ERMN: variants seen among roughly 807,000 people sequenced by gnomAD.
The protein encoded by ERMN is ermin, ERM-like protein.
In ERMN, 17 loss-of-function variants were observed where a neutral mutation model predicts 21.4. That is an observed-to-expected ratio of 0.80 (90% confidence interval 0.54 to 1.19). The LOEUF is 1.19. Ranked by LOEUF, ERMN falls within the 50% of genes most tolerant of loss-of-function variation. The pLI, the probability that ERMN is intolerant of heterozygous loss-of-function variation, is 0.00. For synonymous variants in ERMN, 115 were observed against 111.9 expected, an observed-to-expected ratio of 1.03 and a Z score of -0.17; for missense variants, 348 against 331.6, an observed-to-expected ratio of 1.05 and a Z score of -0.38.
At chr2:157,322,676 T>C (rs1683942525) in intron 2 of ERMN, among the ~76,000 whole-genome samples, 2 of 152,232 alleles carry the variant, frequency 1.3e-5, no homozygotes, top group Admixed American at 1.3e-4. Context: ...ATCCAAGGTG[T>C]TCAGTTCTCT....
Position 157,319,114 on chromosome 2 carries a change from A to G in ERMN, c.*2157T>C, listed in dbSNP as rs1683800399. ...GTGGCTTTCAACTCTGTGGCTTTCA[A>G]CTCTGTGGCTTTCGTGTAAGATGGC... is the stretch of plus-strand genomic sequence containing the variant. On this transcript the variant is annotated 3_prime_UTR_variant, in exon 3 of 3. Coordinates refer to ENST00000410096, the MANE Select transcript of ERMN (RefSeq NM_020711.3). 1 of 152,074 alleles carries G rather than the reference A, an allele frequency of 6.6e-6. No individual in the cohort carries two copies. Among genetic ancestry groups the G allele is most frequent in the Non-Finnish European group, 1.5e-5 (1 of 68,024 alleles). The allele number at this position is 152,074 out of a possible 1,614,324, so 9.4% of individuals were successfully genotyped here.
chr2:157,326,689 G>C (rs1684075897), upstream of ERMN, among the ~76,000 whole-genome samples: 1 of 152,094 alleles, frequency 6.6e-6, no homozygotes, highest in African/African-American at 2.4e-5. Flanking sequence ...AATGGTTCCA[G>C]AGCCTTTGCC....
At chr2:157,325,264 G>T in intron 1 of ERMN, 138 bp downstream of exon 1, 1 of 1,148,328 alleles carries the variant, frequency 8.7e-7, no homozygotes, top group Non-Finnish European at 1.3e-6. Flanking sequence ...CAGAGGTTTA[G>T]TCCTTATACT....
upstream of ERMN, chr2:157,327,579 C>A: frequency 5.6e-6 from 4 of 716,264 alleles, no homozygotes; most frequent in South Asian, 4.4e-5. Context: ...GGTCACAGAG[C>A]CAGCAAGCCT....
intron 2 of ERMN, among the ~76,000 whole-genome samples, chr2:157,322,146 TA>T (rs199583011): frequency 0.053 from 7,809 of 148,154 alleles, 241 homozygotes; most frequent in Middle Eastern, 0.083. Flanking sequence ...GAGACACACT[TA>T]AAAAAAAAAA....
intron 2 of ERMN, chr2:157,324,282 A>G: frequency 4.9e-6 from 1 of 202,526 alleles, no homozygotes; most frequent in Non-Finnish European, 1.0e-5. Flanking sequence ...CAAAAAAAAA[A>G]AAAAAAGCTG....
rs572368595 is a variant in ERMN, at chr2:157,320,936, A to G, written c.*335T>C. 7.5e-5 allele frequency: 17 copies of G among 227,506 alleles called. No homozygotes were observed. The highest frequency in any genetic ancestry group is 3.4e-4 in the African/African-American group (15 of 43,728). 14.1% of individuals were successfully genotyped at this position (227,506 alleles called of 1,614,324 possible). On this transcript the variant is annotated 3_prime_UTR_variant, in exon 3 of 3. Transcript: ENST00000410096. ...TCAAATAGTCCCCTCAAATAGTCTC[A>G]TTTGATGACTACCTTTCCAAGCATT...
chr2:157,323,023 A>AT (rs1165301535), intron 2 of ERMN, among the ~76,000 whole-genome samples: 2 of 152,210 alleles, frequency 1.3e-5, no homozygotes, highest in Non-Finnish European at 2.9e-5. Flanking sequence ...ATCCAGTAAC[A>AT]TTCTTTTTGA....
At chr2:157,327,377 T>C (rs533881972), upstream of ERMN, 3 of 744,630 alleles carry the variant, frequency 4.0e-6, no homozygotes, top group East Asian at 7.4e-5. Flanking sequence ...AATTCTATGT[T>C]TGTTTGATTG....
At position 157,319,909 on chromosome 2, in the gene ERMN, G is replaced by C. The variant is rs1159156689; in HGVS notation, c.*1362C>G. The C allele has an allele frequency of 6.6e-6, 1 of 152,158 alleles. No individual in the cohort carries two copies. Among genetic ancestry groups the C allele is most frequent in the African/African-American group, 2.4e-5 (1 of 41,452 alleles). 9.4% of individuals were successfully genotyped at this position (152,158 alleles called of 1,614,324 possible). The stretch of plus-strand genomic sequence containing the variant: ...TACACATAAATAAGCAGTCATCTAA[G>C]AGGACTAACATGGAGTTTTTCACAA... On this transcript the variant is annotated 3_prime_UTR_variant, in exon 3 of 3. Coordinates refer to ENST00000410096, the MANE Select transcript of ERMN (RefSeq NM_020711.3).
chr2:157,324,820 TTAA>T (rs577254801), intron 1 of ERMN, 58 bp from the exon 2 acceptor site: 8 of 1,230,382 alleles, frequency 6.5e-6, no homozygotes, highest in Non-Finnish European at 9.1e-6. Flanking sequence ...TGTTCAACAG[TTAA>T]TAAGTTATCA....
At chr2:157,325,236 C>A in intron 1 of ERMN, 166 bp downstream of exon 1, 1 of 967,534 alleles carries the variant, frequency 1.0e-6, no homozygotes, top group South Asian at 1.4e-5. Context: ...AATAGACCAG[C>A]CTGGATTTCA....
rs1683896890 is a variant in ERMN, at chr2:157,321,449, G to A, written c.677C>T (p.Ser226Phe). The change falls in exon 3 of 3, where the codon TCC (serine) becomes TTC (phenylalanine). Residue 226 changes from serine to phenylalanine, a missense_variant. Physicochemically the swap from Ser to Phe is radical, Grantham distance 155. Transcript: ENST00000410096. ...FKEEGDASED[S>F]PLSSASSQAV... The stretch of plus-strand genomic sequence containing the variant: ...TTGGGAACTGGCACTGCTCAGTGGG[G>A]AGTCCTCACTTGCATCACCTTCCTC... 6.2e-7 allele frequency: 1 copy of A among 1,613,986 alleles called. No homozygotes were observed. The highest frequency in any genetic ancestry group is 1.3e-5 in the African/African-American group (1 of 74,896).
upstream of ERMN, among the ~76,000 whole-genome samples, chr2:157,326,653 TC>T (rs1684073856): frequency 6.6e-6 from 1 of 152,188 alleles, no homozygotes; most frequent in Non-Finnish European, 1.5e-5. Context: ...TAAATCTTTT[TC>T]TTTTTTGGAT....
chr2:157,326,325 C>CA (rs1684067047), upstream of ERMN, among the ~76,000 whole-genome samples: 1 of 152,234 alleles, frequency 6.6e-6, no homozygotes, highest in Non-Finnish European at 1.5e-5. Flanking sequence ...GTGCTTCCAG[C>CA]AGGCTGGAGA....
upstream of ERMN, chr2:157,327,259 A>C (rs1392291902): frequency 7.6e-6 from 4 of 524,692 alleles, no homozygotes; most frequent in Non-Finnish European, 1.0e-5. Flanking sequence ...ATCAGGGACA[A>C]CACCTCACTC....
At chr2:157,325,153 T>TAA in intron 1 of ERMN, 2 of 629,772 alleles carry the variant, frequency 3.2e-6, no homozygotes, top group South Asian at 3.0e-5. Context: ...GTTATTATTA[T>TAA]TATTCCGCCT....
At position 157,325,622 on chromosome 2, in the gene ERMN, T is replaced by C; in HGVS notation, c.21A>G (p.Thr7=). The change falls in exon 1 of 3, where the codon ACA becomes ACG. Residue 7 remains threonine, a synonymous_variant. Transcript: ENST00000410096. Reference sequence around the variant, plus strand: ...CCCCATTACACTCAGCCTGGGTAAATGTAGCCGGAACATCTGTCATGATGT... The same window carrying C: ...CCCCATTACACTCAGCCTGGGTAAACGTAGCCGGAACATCTGTCATGATGT... The part of the protein sequence containing the change: MTDVPA[T]FTQAECNGDK... 3 of 1,614,192 alleles carry C rather than the reference T, an allele frequency of 1.9e-6. No homozygotes were observed. The highest frequency in any genetic ancestry group is 2.5e-6 in the Non-Finnish European group (3 of 1,180,020).
chr2:157,327,666 A>G (rs1358776563), upstream of ERMN: 4 of 577,458 alleles, frequency 6.9e-6, no homozygotes, highest in Non-Finnish European at 1.2e-5. Context: ...TGGACCAGAG[A>G]TCCCACAGGG....
Sources: gnomAD v4.1 joint callset for allele counts (sites outside exome capture counted in the v4.1 genomes callset) on GRCh38, gnomAD v4.1.1 for gene constraint, MANE v1.5 for transcripts, NCBI Gene and HGNC (gene_info 2026-07-23, HGNC 2026-07-21) for gene names.